AGAP1: variants seen among roughly 807,000 people sequenced by gnomAD.
AGAP1 encodes ArfGAP with GTPase domain, ankyrin repeat and PH domain 1, also known as arf-GAP with GTPase, ANK repeat and PH domain-containing protein 1.
AGAP1 carries 29 observed loss-of-function variants against 105.3 expected under a neutral mutation model. The ratio of observed to expected loss-of-function variants is 0.28; its 90% CI spans 0.21 to 0.38. The LOEUF is 0.38. AGAP1 is among the 10% of genes least tolerant of loss of function. The pLI is 1.00. For synonymous variants in AGAP1, 509 were observed against 485.9 expected (o/e 1.05, Z -0.63); for missense variants, 998 against 1,165.1 (o/e 0.86, Z 2.09).
rs150526031 is a variant in AGAP1 at position 235,830,803 on chromosome 2, T to A, written c.1050+23472T>A. On this transcript the variant is annotated intron_variant, in intron 9 of 17. Coordinates refer to ENST00000304032, the MANE Select transcript of AGAP1 (RefSeq NM_001037131.3). This position sits in a 1 kb window ranked among gnomAD's most constrained non-coding sequence, Gnocchi z 5.5. ...AAGTGATTTTACTTCTATTGGATGC[T>A]GTTGATAGCCTCATTCTTCTCAGGT... Among the ~76,000 whole-genome samples, 26 of 152,332 alleles carry A rather than the reference T, an allele frequency of 1.7e-4. No homozygotes were observed. Among genetic ancestry groups the A allele is most frequent in the Middle Eastern group, 3.4e-3 (1 of 294 alleles).
intron 10 of AGAP1, among the ~76,000 whole-genome samples, chr2:235,884,952 A>G (rs1257353116): frequency 6.6e-6 from 1 of 152,058 alleles, no homozygotes; most frequent in African/African-American, 2.4e-5. Context: ...GCCTCAAGCA[A>G]TCTGCCTAAC....
chr2:235,523,711 G>A (rs921937378), intron 1 of AGAP1, among the ~76,000 whole-genome samples: 3 of 152,190 alleles, frequency 2.0e-5, no homozygotes, highest in African/African-American at 7.2e-5. Flanking sequence ...ATGGCGGGGG[G>A]TGGTGGCCAG....
chr2:236,093,532 C>CA (rs1378426914), intron 16 of AGAP1, among the ~76,000 whole-genome samples: 2 of 152,156 alleles, frequency 1.3e-5, no homozygotes, highest in Non-Finnish European at 2.9e-5. Context: ...TTGAAATCCT[C>CA]AAAATACCAA....
chr2:235,821,040 C>A (rs1575552835), intron 9 of AGAP1, among the ~76,000 whole-genome samples: 1 of 152,154 alleles, frequency 6.6e-6, no homozygotes, highest in Admixed American at 6.5e-5. Flanking sequence ...AGTGATCTGT[C>A]TTCTAGAAGT....
intron 1 of AGAP1, chr2:235,670,536 C>G: frequency 2.1e-6 from 1 of 483,004 alleles, no homozygotes; most frequent in South Asian, 3.2e-5. Context: ...GGGGCCCGGG[C>G]CGCGCCCCTG....
chr2:235,818,701 C>CT (rs1217639251), intron 9 of AGAP1, among the ~76,000 whole-genome samples: 1 of 152,212 alleles, frequency 6.6e-6, no homozygotes, highest in Non-Finnish European at 1.5e-5. Context: ...CCTCATCCTC[C>CT]TAAGTAGCTG....
intron 1 of AGAP1, among the ~76,000 whole-genome samples, chr2:235,694,251 G>A (rs1486600090): frequency 6.7e-6 from 1 of 149,522 alleles, no homozygotes; most frequent in Non-Finnish European, 1.5e-5. Context: ...AGGCCGAGGC[G>A]GGCGGATCAT....
At position 236,053,309 on chromosome 2, in the gene AGAP1, G is replaced by C. The variant is rs2057961141; in HGVS notation, c.2114+4028G>C. On this transcript the variant is annotated intron_variant, in intron 16 of 17. Coordinates refer to ENST00000304032, the MANE Select transcript of AGAP1 (RefSeq NM_001037131.3). The surrounding 1 kb of genome is among the most constrained non-coding windows in gnomAD (Gnocchi z 4.6). ...GTGAAAGCGGGAACTCGTCATCATG[G>C]AACACATGTCAGGTGCTCTTGCTAC... Among the ~76,000 whole-genome samples the C allele has an allele frequency of 6.6e-6, 1 of 152,248 alleles. No homozygotes were observed. Among genetic ancestry groups the C allele is most frequent in the African/African-American group, 2.4e-5 (1 of 41,470 alleles).
chr2:235,539,644 C>A (rs1057014896), intron 1 of AGAP1, among the ~76,000 whole-genome samples: 1 of 152,150 alleles, frequency 6.6e-6, no homozygotes, highest in East Asian at 1.9e-4. Flanking sequence ...CTCAGAGATA[C>A]TGAGCTGTGG....
At chr2:235,771,451 G>A (rs1955440097) in intron 6 of AGAP1, among the ~76,000 whole-genome samples, 1 of 152,216 alleles carries the variant, frequency 6.6e-6, no homozygotes, top group Non-Finnish European at 1.5e-5. Context: ...GATGCAGCCA[G>A]GGTGACCTAA....
intron 2 of AGAP1, among the ~76,000 whole-genome samples, chr2:235,715,422 G>C (rs1008958798): frequency 1.3e-5 from 2 of 152,170 alleles, no homozygotes; most frequent in African/African-American, 4.8e-5. Flanking sequence ...TGAGGGGAAA[G>C]CAGGGAAGCT....
At chr2:235,502,470 C>T (rs1485426654) in intron 1 of AGAP1, among the ~76,000 whole-genome samples, 1 of 152,094 alleles carries the variant, frequency 6.6e-6, no homozygotes, top group East Asian at 1.9e-4. Flanking sequence ...CCACCAGTCC[C>T]AAACAGGTGG....
chr2:235,919,840 T>C lies in AGAP1; in HGVS notation c.1325-10925T>C, dbSNP rs779288591. 1.3e-5 allele frequency among the ~76,000 whole-genome samples: 2 copies of C among 152,202 alleles called. No homozygotes were observed. Among genetic ancestry groups the C allele is most frequent in the Non-Finnish European group, 2.9e-5 (2 of 68,034 alleles). ...CTTTTCTTCTCCGTCTTCACAATGC[T>C]TACACCCCTCATCCTCGCTGTTGCA... On this transcript the variant is annotated intron_variant, in intron 11 of 17. Transcript: ENST00000304032. This position sits in a 1 kb window ranked among gnomAD's most constrained non-coding sequence, Gnocchi z 4.1.
In AGAP1 at chr2:235,902,666, G is replaced by T. The variant is rs1015020053; in HGVS notation, c.1156-6072G>T. 2.0e-5 allele frequency among the ~76,000 whole-genome samples: 3 copies of T among 152,154 alleles called. No homozygotes were observed. In the East Asian group the frequency reaches 5.8e-4, roughly 29 times the overall value. On this transcript the variant is annotated intron_variant, in intron 10 of 17. Coordinates refer to ENST00000304032, the MANE Select transcript of AGAP1 (RefSeq NM_001037131.3). Reference sequence around the variant, plus strand: ...TACATAGAACTGAAAACCAGAGTCAGTCAATGTCTGGCACAGTCATTCTTT... The same window carrying T: ...TACATAGAACTGAAAACCAGAGTCATTCAATGTCTGGCACAGTCATTCTTT...
intron 6 of AGAP1, among the ~76,000 whole-genome samples, chr2:235,783,911 G>A (rs1266392875): frequency 2.0e-5 from 3 of 152,174 alleles, no homozygotes; most frequent in Admixed American, 1.3e-4. Flanking sequence ...GTTGAAATGT[G>A]TGGGAGTGAA....
rs1470059732 is a variant in AGAP1 at position 235,777,116 on chromosome 2, T to C, written c.674-20643T>C. The stretch of plus-strand genomic sequence containing the variant: ...GCTCATGCCTGTAATTCCAGCACTT[T>C]GAGAGGCCAAGGCGGGTGGATCACG... On this transcript the variant is annotated intron_variant, in intron 6 of 17. Coordinates refer to ENST00000304032, the MANE Select transcript of AGAP1 (RefSeq NM_001037131.3). The surrounding 1 kb of genome is among the most constrained non-coding windows in gnomAD (Gnocchi z 5.1). 2 of 467,594 alleles carry C rather than the reference T, an allele frequency of 4.3e-6. No homozygotes were observed. Among genetic ancestry groups the C allele is most frequent in the East Asian group, 7.0e-5 (1 of 14,366 alleles). 29.0% of individuals were successfully genotyped at this position (467,594 alleles called of 1,614,324 possible).
intron 1 of AGAP1, chr2:235,670,536 C>T: frequency 4.1e-6 from 2 of 483,002 alleles, no homozygotes; most frequent in Admixed American, 4.3e-5. Context: ...GGGGCCCGGG[C>T]CGCGCCCCTG....
chr2:235,702,494 T>G (rs1023735124), intron 1 of AGAP1, among the ~76,000 whole-genome samples: 1 of 152,212 alleles, frequency 6.6e-6, no homozygotes, highest in African/African-American at 2.4e-5. Context: ...CTGAAAGTTC[T>G]CTTCCTTGAC....
At position 235,927,267 on chromosome 2, in the gene AGAP1, T is replaced by C. The variant is rs1455052027; in HGVS notation, c.1325-3498T>C. 1.3e-5 allele frequency among the ~76,000 whole-genome samples: 2 copies of C among 152,118 alleles called. No homozygotes were observed. Among genetic ancestry groups the C allele is most frequent in the Non-Finnish European group, 2.9e-5 (2 of 68,022 alleles). On this transcript the variant is annotated intron_variant, in intron 11 of 17. Coordinates refer to ENST00000304032, the MANE Select transcript of AGAP1 (RefSeq NM_001037131.3). This position sits in a 1 kb window ranked among gnomAD's most constrained non-coding sequence, Gnocchi z 4.4. Reference sequence around the variant, plus strand: ...CCATCTGGACACCAGGAGCATGTGGTCTTGCCAGGAGGTTCGTCACCCCAG... The same window carrying C: ...CCATCTGGACACCAGGAGCATGTGGCCTTGCCAGGAGGTTCGTCACCCCAG...
Sources: gnomAD v4.1 joint callset for allele counts (sites outside exome capture counted in the v4.1 genomes callset) on GRCh38, gnomAD v4.1.1 for gene constraint, Gnocchi (gnomAD v3.1) non-coding constraint, MANE v1.5 for transcripts, NCBI Gene and HGNC (gene_info 2026-07-23, HGNC 2026-07-21) for gene names.